PTPRD: variants seen among roughly 807,000 people sequenced by gnomAD.
PTPRD encodes the protein receptor-type tyrosine-protein phosphatase delta.
In PTPRD, 34 loss-of-function variants were observed where a neutral mutation model predicts 214.5. The observed-to-expected ratio is 0.16, with a 90% CI of 0.12 to 0.21. The LOEUF (loss-of-function observed/expected upper bound fraction) is 0.21, where lower values mean the gene tolerates loss of function less well. Among genes scored for constraint, PTPRD ranks in the 10% least tolerant of loss-of-function variants. PTPRD has a pLI of 1.00. For synonymous variants in PTPRD, 1,128 were observed against 845.7 expected (o/e 1.33, Z -5.79); for missense variants, 2,545 against 2,398.7 (o/e 1.06, Z -1.27).
intron 2 of PTPRD, among the ~76,000 whole-genome samples, chr9:10,474,110 G>A (rs1048047249): frequency 2.6e-5 from 4 of 152,030 alleles, no homozygotes; most frequent in Non-Finnish European, 5.9e-5. Flanking sequence ...GCATCATCAC[G>A]ACAGGATCAA....
chr9:10,152,231 T>A (rs1394950553), intron 3 of PTPRD, among the ~76,000 whole-genome samples: 1 of 152,220 alleles, frequency 6.6e-6, no homozygotes, highest in Non-Finnish European at 1.5e-5. Context: ...AGTAACTATG[T>A]GTAGCTCTCT....
intron 11 of PTPRD, among the ~76,000 whole-genome samples, chr9:8,969,994 T>C (rs1254860390): frequency 6.6e-6 from 1 of 151,902 alleles, no homozygotes; most frequent in African/African-American, 2.4e-5. Context: ...TTAGTATTTA[T>C]CTCAAGTAGA....
intron 2 of PTPRD, among the ~76,000 whole-genome samples, chr9:10,550,170 A>G (rs988672273): frequency 7.2e-5 from 11 of 152,228 alleles, no homozygotes; most frequent in Admixed American, 4.6e-4. Context: ...TCAATTTCCT[A>G]TAACTTTCAC....
At chr9:9,070,896 G>C (rs1166959125) in intron 10 of PTPRD, among the ~76,000 whole-genome samples, 1 of 152,106 alleles carries the variant, frequency 6.6e-6, no homozygotes, top group Admixed American at 6.5e-5. Flanking sequence ...GTCCCCACTA[G>C]CACTACCTTT....
At chr9:10,290,979 C>G (rs966109106) in intron 3 of PTPRD, among the ~76,000 whole-genome samples, 3 of 150,752 alleles carry the variant, frequency 2.0e-5, no homozygotes, top group Non-Finnish European at 4.4e-5. Flanking sequence ...ATCTAACAGT[C>G]TGACCTTCCT....
intron 2 of PTPRD, among the ~76,000 whole-genome samples, chr9:10,345,075 T>G (rs2097045007): frequency 6.6e-6 from 1 of 152,120 alleles, no homozygotes; most frequent in Admixed American, 6.6e-5. Context: ...TAAAAAAGAC[T>G]TATCTTTTTG....
At chr9:10,460,325 A>G (rs1461755325) in intron 2 of PTPRD, among the ~76,000 whole-genome samples, 2 of 152,100 alleles carry the variant, frequency 1.3e-5, no homozygotes, top group East Asian at 3.9e-4. Context: ...AATAGATTCA[A>G]TGCAGTCCCT....
chr9:10,074,843 T>C (rs568406513), intron 3 of PTPRD, among the ~76,000 whole-genome samples: 1 of 152,240 alleles, frequency 6.6e-6, no homozygotes, highest in African/African-American at 2.4e-5. Flanking sequence ...TGTTGTAATA[T>C]AGCCACCATT....
At chr9:8,864,088 A>G (rs1226034748) in intron 11 of PTPRD, among the ~76,000 whole-genome samples, 2 of 152,238 alleles carry the variant, frequency 1.3e-5, no homozygotes, top group African/African-American at 2.4e-5. Flanking sequence ...AATGGGAAAC[A>G]CAATGGAAAT....
At chr9:8,417,997 C>T (rs1231656129) in intron 35 of PTPRD, among the ~76,000 whole-genome samples, 2 of 152,102 alleles carry the variant, frequency 1.3e-5, no homozygotes, top group Non-Finnish European at 1.5e-5. Context: ...TATTATGTTG[C>T]TTCCTGTACT....
intron 8 of PTPRD, among the ~76,000 whole-genome samples, chr9:9,408,360 G>A (rs1032457320): frequency 1.3e-5 from 2 of 151,780 alleles, no homozygotes; most frequent in South Asian, 2.1e-4. Flanking sequence ...TCATAAGCAC[G>A]ACAAGCATTT....
intron 9 of PTPRD, among the ~76,000 whole-genome samples, chr9:9,286,234 T>TGC: frequency 6.6e-6 from 1 of 151,976 alleles, no homozygotes; most frequent in South Asian, 2.1e-4. Flanking sequence ...TGCTACTGAC[T>TGC]TACATCATGA....
At chr9:8,844,132 A>C (rs967887142) in intron 11 of PTPRD, among the ~76,000 whole-genome samples, 2 of 152,218 alleles carry the variant, frequency 1.3e-5, no homozygotes, top group Non-Finnish European at 2.9e-5. Flanking sequence ...TTTTATGCTT[A>C]AAACATCTAA....
chr9:8,933,279 C>T (rs1404477273), intron 11 of PTPRD, among the ~76,000 whole-genome samples: 4 of 145,114 alleles, frequency 2.8e-5, no homozygotes, highest in East Asian at 2.1e-4. Context: ...TCATTGGTAT[C>T]GCTGGGAGTT....
chr9:9,953,371 G>T (rs1025499755), intron 4 of PTPRD, among the ~76,000 whole-genome samples: 1 of 152,004 alleles, frequency 6.6e-6, no homozygotes, highest in African/African-American at 2.4e-5. Context: ...ACACCATTCA[G>T]TAACAGGTGT....
chr9:10,457,278 G>A (rs550639392), intron 2 of PTPRD, among the ~76,000 whole-genome samples: 6 of 151,836 alleles, frequency 4.0e-5, no homozygotes, highest in South Asian at 2.1e-4. Context: ...TACCTGGATC[G>A]GGATATTGAA....
chr9:10,403,866 A>G (rs1053201311), intron 2 of PTPRD, among the ~76,000 whole-genome samples: 3 of 151,712 alleles, frequency 2.0e-5, no homozygotes, highest in African/African-American at 7.2e-5. Flanking sequence ...GAATAGGCAG[A>G]ACACAGAGGA....
intron 11 of PTPRD, among the ~76,000 whole-genome samples, chr9:8,934,438 T>A (rs1191038593): frequency 0.026 from 1,220 of 46,314 alleles, 170 homozygotes; most frequent in East Asian, 0.14. Flanking sequence ...TATATATAAA[T>A]ATATATATAA....
intron 5 of PTPRD, among the ~76,000 whole-genome samples, chr9:9,883,831 C>T (rs886147282): frequency 6.6e-6 from 1 of 152,092 alleles, no homozygotes; most frequent in East Asian, 1.9e-4. Flanking sequence ...GGGAAAACAA[C>T]TGAAGTAGAA....
Sources: allele counts gnomAD v4.1 joint callset (sites outside exome capture counted in the v4.1 genomes callset), GRCh38; gene constraint gnomAD v4.1.1; transcripts MANE v1.5; gene names NCBI Gene and HGNC (gene_info 2026-07-23, HGNC 2026-07-21).